Variants in SRP54 observed in about 807,000 individuals in gnomAD.
SRP54 encodes the protein signal recognition particle 54.
In SRP54, 10 loss-of-function variants were observed where a neutral mutation model predicts 64.8. The observed-to-expected ratio is 0.15, with a 90% CI of 0.10 to 0.26. The LOEUF (loss-of-function observed/expected upper bound fraction) is 0.26. Among genes scored for constraint, SRP54 ranks in the 10% least tolerant of loss-of-function variants. SRP54 has a pLI of 1.00. For missense variants in SRP54, 325 were observed against 613.7 expected (o/e 0.53, Z 4.97); for synonymous variants, 193 against 185.6 (o/e 1.04, Z -0.32).
intron 3 of SRP54, among the ~76,000 whole-genome samples, chr14:35,000,118 T>C (rs1415989421): frequency 2.0e-5 from 3 of 152,210 alleles, no homozygotes. Context: ...AGTTATCATA[T>C]TCATTGGGAG....
In SRP54 at chr14:35,000,991, C is replaced by T; in HGVS notation, c.226C>T (p.Gln76Ter). The change falls in exon 4 of 16, where the codon CAG becomes TAG. Residue 76 changes from glutamine to a stop codon, truncating the protein, a stop_gained. Transcript: ENST00000216774. LOFTEE classifies it high-confidence loss of function. The stretch of plus-strand genomic sequence containing the variant: ...TGGTCTTAACAAAAGAAAAATGATT[C>T]AGCATGCTGTATTTAAAGAACTTGT... The part of the protein sequence containing the change: ...ASGLNKRKMI[Q>*]HAVFKELVKL... 1 of 1,594,452 alleles carries T rather than the reference C, an allele frequency of 6.3e-7. No homozygotes were observed. Among genetic ancestry groups the T allele is most frequent in the East Asian group, 2.3e-5 (1 of 44,018 alleles).
rs144154279 is a variant in SRP54, at chr14:34,991,079, C to T, written c.-33-5598C>T. On this transcript the variant is annotated intron_variant, in intron 1 of 15. Coordinates refer to ENST00000216774, the MANE Select transcript of SRP54 (RefSeq NM_003136.4). ...AGGAGAAAGCAAAAGAGGCAAAAAT[C>T]CCTGCCCTTGTGCAGGTTAAATTTC... Among the ~76,000 whole-genome samples the T allele has an allele frequency of 2.3e-3, 355 of 151,362 alleles. 1 individual carries two copies. Among genetic ancestry groups the T allele is most frequent in the African/African-American group, 7.2e-3 (299 of 41,314 alleles).
At position 34,996,997 on chromosome 14, in the gene SRP54, C is replaced by CA. The variant is rs200393534; in HGVS notation, c.78+219dup. On this transcript the variant is annotated intron_variant, in intron 2 of 15. Coordinates refer to ENST00000216774, the MANE Select transcript of SRP54 (RefSeq NM_003136.4). ...CTTCAACTTTCTATAAAGAATTTTC[C>CA]AAAAAAAAATCGAAAAAAACCTGAC... is the stretch of plus-strand genomic sequence containing the variant. 850 of 376,272 alleles carry CA rather than the reference C, an allele frequency of 2.3e-3. 2 individuals are homozygous for CA. The highest frequency in any genetic ancestry group is 0.01 in the East Asian group (246 of 23,666). The allele number at this position is 376,272 out of a possible 1,614,324, so 23.3% of individuals were successfully genotyped here.
chr14:34,999,035 G>C (rs2044129723), intron 2 of SRP54, among the ~76,000 whole-genome samples: 1 of 70,812 alleles, frequency 1.4e-5, no homozygotes, highest in Admixed American at 1.8e-4. Context: ...TTTTTTTTGA[G>C]ACAAAGTCTC....
intron 4 of SRP54, chr14:35,004,596 G>A (rs1323626978): frequency 6.6e-6 from 1 of 152,192 alleles, no homozygotes; most frequent in Non-Finnish European, 1.5e-5. Flanking sequence ...AAGAAGCCCT[G>A]AGACCAAGAA....
chr14:34,995,164 TGTGTGTGTGTGTGTGTGTGTGTGTAGAG>T (rs1236642627), intron 1 of SRP54, among the ~76,000 whole-genome samples: 4 of 140,084 alleles, frequency 2.9e-5, no homozygotes, highest in Non-Finnish European at 4.8e-5. Flanking sequence ...TGTGTGTGTG[TGTGTGTGTGTGTGTGTGTGTGTGTAGAG>T]AGAGAGAGGG....
chr14:35,021,936 A>G (rs1044536386), intron 13 of SRP54, among the ~76,000 whole-genome samples: 11 of 152,230 alleles, frequency 7.2e-5, no homozygotes, highest in African/African-American at 2.4e-4. Flanking sequence ...AACTGAAGCT[A>G]GAAGAAATGC....
At chr14:35,011,684 A>T in intron 8 of SRP54, 25 bp downstream of exon 8, 1 of 1,474,466 alleles carries the variant, frequency 6.8e-7, no homozygotes, top group Non-Finnish European at 9.1e-7. Context: ...ATGTAACACT[A>T]TTATTAGGAC....
At chr14:35,021,334 T>C (rs911595596) in intron 13 of SRP54, among the ~76,000 whole-genome samples, 3 of 152,160 alleles carry the variant, frequency 2.0e-5, no homozygotes, top group South Asian at 2.1e-4. Context: ...GTAGCTCTTA[T>C]GCATTTGAAA....
At chr14:35,014,970 C>T (rs939060206) in intron 11 of SRP54, 140 bp downstream of exon 11, 2 of 565,692 alleles carry the variant, frequency 3.5e-6, no homozygotes, top group Non-Finnish European at 3.0e-6. Context: ...GATTTATATG[C>T]AAATCATTTA....
Position 34,999,008 on chromosome 14 carries a change from TG to T in SRP54, c.79-549del, listed in dbSNP as rs57399253. On this transcript the variant is annotated intron_variant, in intron 2 of 15. Coordinates refer to ENST00000216774, the MANE Select transcript of SRP54 (RefSeq NM_003136.4). ...GTGTGTGTGTGTGTGTGTGTGTGTG[TG>T]TGTGGTTTTTTTTTTTTTTTTTTGA... Among the ~76,000 whole-genome samples, 50 of 73,822 alleles carry T rather than the reference TG, an allele frequency of 6.8e-4. 2 individuals are homozygous for T. Among genetic ancestry groups the T allele is most frequent in the Non-Finnish European group, 1.1e-3 (39 of 36,448 alleles). The allele number at this position is 73,822 out of a possible 152,430, so 48.4% of individuals were successfully genotyped here.
intron 13 of SRP54, among the ~76,000 whole-genome samples, chr14:35,022,058 C>G (rs1390638943): frequency 6.6e-6 from 1 of 152,010 alleles, no homozygotes; most frequent in Non-Finnish European, 1.5e-5. Flanking sequence ...AATAATTTTT[C>G]TGTTGATTAT....
intron 13 of SRP54, among the ~76,000 whole-genome samples, chr14:35,020,614 G>T (rs2044514266): frequency 6.6e-6 from 1 of 151,898 alleles, no homozygotes; most frequent in Non-Finnish European, 1.5e-5. Flanking sequence ...TTTTTCCTGA[G>T]CTCCAGGTTT....
In SRP54 at chr14:35,023,629, C is replaced by CA. The variant is rs2044571198; in HGVS notation, c.1327+555dup. Among the ~76,000 whole-genome samples, 4 of 152,040 alleles carry CA rather than the reference C, an allele frequency of 2.6e-5. No individual in the cohort carries two copies. In the South Asian group the frequency reaches 8.3e-4, roughly 32 times the overall value. ...TGAAACCCTGCCTCTACTTAAAATA[C>CA]AAAAAATATCCGGGTGTCGTGGGGT... On this transcript the variant is annotated intron_variant, in intron 14 of 15. Transcript: ENST00000216774.
intron 11 of SRP54, among the ~76,000 whole-genome samples, chr14:35,016,241 C>A (rs995284320): frequency 6.6e-6 from 1 of 152,168 alleles, no homozygotes; most frequent in Non-Finnish European, 1.5e-5. Flanking sequence ...TACTACAGCC[C>A]AGAATAATCT....
At chr14:35,000,474 G>A (rs1291367711) in intron 3 of SRP54, among the ~76,000 whole-genome samples, 1 of 151,878 alleles carries the variant, frequency 6.6e-6, no homozygotes, top group Non-Finnish European at 1.5e-5. Context: ...GGCTGAGGCA[G>A]GAGAATTGCT....
intron 1 of SRP54, among the ~76,000 whole-genome samples, chr14:34,987,391 A>G (rs545255937): frequency 6.6e-6 from 1 of 151,594 alleles, no homozygotes; most frequent in Non-Finnish European, 1.5e-5. Flanking sequence ...CAATTTTCGT[A>G]CATTTTTATT....
intron 1 of SRP54, among the ~76,000 whole-genome samples, chr14:34,987,356 A>G (rs2043915987): frequency 6.6e-6 from 1 of 150,770 alleles, no homozygotes; most frequent in Non-Finnish European, 1.5e-5. Flanking sequence ...GTGTATTTAC[A>G]AAGTTACGCA....
chr14:35,028,908 A>C (rs150050581), intron 15 of SRP54, among the ~76,000 whole-genome samples, 153 bp from the exon 16 acceptor site: 3 of 152,204 alleles, frequency 2.0e-5, no homozygotes, highest in Non-Finnish European at 4.4e-5. Context: ...TGATAATACA[A>C]ATTTTTAGGT....
Sources: allele counts gnomAD v4.1 joint callset (sites outside exome capture counted in the v4.1 genomes callset), GRCh38; gene constraint gnomAD v4.1.1; transcripts MANE v1.5; gene names NCBI Gene and HGNC (gene_info 2026-07-23, HGNC 2026-07-21).